DOK5: variants seen among roughly 807,000 people sequenced by gnomAD.
DOK5 encodes the protein docking protein 5.
In DOK5, 27 loss-of-function variants were observed where a neutral mutation model predicts 43.3. That is an observed-to-expected ratio of 0.62 (90% confidence interval 0.46 to 0.86). The LOEUF is 0.86. Among genes scored for constraint, DOK5 ranks in the 40% least tolerant of loss-of-function variants. The probability of loss-of-function intolerance (pLI) is 0.00; values close to 1 mark genes in which losing one functional copy is unlikely to be tolerated. For synonymous variants in DOK5, 146 were observed against 140.1 expected (o/e 1.04, Z -0.30); for missense variants, 373 against 392.9 (o/e 0.95, Z 0.43).
chr20:54,579,199 A>G (rs887062068), intron 2 of DOK5, among the ~76,000 whole-genome samples: 4 of 152,234 alleles, frequency 2.6e-5, no homozygotes, highest in African/African-American at 9.6e-5. Flanking sequence ...AAATAAATTT[A>G]CAATAAGAGA....
At chr20:54,576,906 G>A (rs527825465) in intron 2 of DOK5, among the ~76,000 whole-genome samples, 37 of 152,276 alleles carry the variant, frequency 2.4e-4, no homozygotes, top group African/African-American at 8.9e-4. Context: ...TTTCCAAGTG[G>A]TGTACTTTTA....
intron 1 of DOK5, among the ~76,000 whole-genome samples, chr20:54,478,993 G>A (rs1381158243): frequency 6.6e-6 from 1 of 152,016 alleles, no homozygotes; most frequent in Non-Finnish European, 1.5e-5. Context: ...ATATGTGTAT[G>A]TGTGTGTATT....
intron 6 of DOK5, among the ~76,000 whole-genome samples, chr20:54,632,562 G>A (rs2904387): frequency 0.28 from 43,028 of 152,106 alleles, 8,014 homozygotes; most frequent in African/African-American, 0.53. Flanking sequence ...ACCAGATATT[G>A]AGGACTAAGG....
chr20:54,501,654 C>T (rs191220770), intron 1 of DOK5, among the ~76,000 whole-genome samples: 13 of 152,056 alleles, frequency 8.5e-5, no homozygotes, highest in East Asian at 1.9e-4. Context: ...GTGTATATTT[C>T]GACCCTTAGC....
chr20:54,568,536 G>A (rs1010898615), intron 2 of DOK5, among the ~76,000 whole-genome samples: 6 of 152,148 alleles, frequency 3.9e-5, no homozygotes, highest in African/African-American at 1.4e-4. Flanking sequence ...ACAAAAGATG[G>A]AAATCTACTA....
chr20:54,645,745 C>A (rs544540115), intron 7 of DOK5, among the ~76,000 whole-genome samples: 1 of 152,056 alleles, frequency 6.6e-6, no homozygotes, highest in Non-Finnish European at 1.5e-5. Context: ...TACAGGAGGG[C>A]AGGAGAGCTG....
In DOK5 at chr20:54,572,383, C is replaced by T. The variant is rs765560090; in HGVS notation, c.175-16100C>T. ...TTCACCATGTTAGCCAGGATGGTCTCGATCTCCTGACCTCGTGATCAGCCC... is the reference window on the plus strand; with the variant it reads ...TTCACCATGTTAGCCAGGATGGTCTTGATCTCCTGACCTCGTGATCAGCCC... On this transcript the variant is annotated intron_variant, in intron 2 of 7. Coordinates refer to ENST00000262593, the MANE Select transcript of DOK5 (RefSeq NM_018431.5). 2.0e-5 allele frequency among the ~76,000 whole-genome samples: 3 copies of T among 152,104 alleles called. No individual in the cohort carries two copies. The East Asian group carries it at 5.8e-4, about 30-fold the overall frequency.
chr20:54,610,311 G>A lies in DOK5; in HGVS notation c.600-77G>A, dbSNP rs185107789. On this transcript the variant is annotated intron_variant, in intron 5 of 7. Transcript: ENST00000262593. ...AAATAATAAATGGGCGCAGCCTAAT[G>A]GAGTATGCCAGGATCTTGGTGCATT... 68 of 1,361,652 alleles carry A rather than the reference G, an allele frequency of 5.0e-5. No individual in the cohort carries two copies. In the South Asian group the frequency reaches 9.3e-4, roughly 19 times the overall value. 84.3% of individuals were successfully genotyped at this position (1,361,652 alleles called of 1,614,324 possible). A position where few individuals can be genotyped will look rare whatever the true frequency, so the allele number is the denominator to read the frequency against.
At chr20:54,555,146 T>A (rs1984667056) in intron 2 of DOK5, 106 bp downstream of exon 2, 1 of 736,268 alleles carries the variant, frequency 1.4e-6, no homozygotes, top group Non-Finnish European at 2.4e-6. Flanking sequence ...ACAAGCAATA[T>A]CTTTTCCAAG....
rs185134110 is a variant in DOK5 at position 54,542,659 on chromosome 20, A to G, written c.67-12274A>G. Among the ~76,000 whole-genome samples the G allele has an allele frequency of 7.2e-5, 11 of 152,348 alleles. No individual in the cohort carries two copies. The East Asian group carries it at 2.1e-3, about 29-fold the overall frequency. ...TAATATATTCATTTTTATTATACGA[A>G]AAACACATACTACAGGACATATATT... On this transcript the variant is annotated intron_variant, in intron 1 of 7. Transcript: ENST00000262593.
chr20:54,541,579 G>T (rs567734006), intron 1 of DOK5, among the ~76,000 whole-genome samples: 80 of 152,222 alleles, frequency 5.3e-4, no homozygotes, highest in African/African-American at 1.9e-3. Flanking sequence ...GGGATTACAG[G>T]CTTGCACCAC....
At chr20:54,508,476 A>G (rs73142935) in intron 1 of DOK5, among the ~76,000 whole-genome samples, 10,234 of 150,572 alleles carry the variant, frequency 0.068, 352 homozygotes, top group Non-Finnish European at 0.079. Context: ...GGAGGGTGGA[A>G]ATAAGGAAGT....
chr20:54,485,200 A>G (rs1005084704), intron 1 of DOK5, among the ~76,000 whole-genome samples: 3 of 152,014 alleles, frequency 2.0e-5, no homozygotes, highest in Non-Finnish European at 4.4e-5. Context: ...CATGGTGGAG[A>G]GCTACTCAGG....
chr20:54,648,610 A>G (rs1979554084), intron 7 of DOK5, among the ~76,000 whole-genome samples: 1 of 152,168 alleles, frequency 6.6e-6, no homozygotes, highest in Non-Finnish European at 1.5e-5. Context: ...GGGCATTCAA[A>G]GATCAGGAAG....
At chr20:54,587,685 G>A (rs1985850239) in intron 2 of DOK5, among the ~76,000 whole-genome samples, 1 of 152,082 alleles carries the variant, frequency 6.6e-6, no homozygotes, top group South Asian at 2.1e-4. Context: ...GACACTTTGT[G>A]GGAAGGGAGG....
At chr20:54,592,571 G>C (rs1383499154) in intron 5 of DOK5, among the ~76,000 whole-genome samples, 1 of 147,168 alleles carries the variant, frequency 6.8e-6, no homozygotes, top group African/African-American at 2.5e-5. Context: ...ATGGAGTCTC[G>C]CTCTGTCACC....
At chr20:54,637,197 C>A (rs540858046) in intron 6 of DOK5, among the ~76,000 whole-genome samples, 1 of 152,362 alleles carries the variant, frequency 6.6e-6, no homozygotes, top group African/African-American at 2.4e-5. Context: ...CTCTCCCCAG[C>A]AGCATGATGC....
intron 6 of DOK5, among the ~76,000 whole-genome samples, chr20:54,621,877 C>G (rs1330181741): frequency 6.6e-6 from 1 of 151,896 alleles, no homozygotes; most frequent in Non-Finnish European, 1.5e-5. Context: ...GCTGTACTTA[C>G]TCATGAATTC....
At chr20:54,545,695 A>G (rs184845440) in intron 1 of DOK5, among the ~76,000 whole-genome samples, 20 of 152,350 alleles carry the variant, frequency 1.3e-4, no homozygotes, top group Non-Finnish European at 2.4e-4. Flanking sequence ...AGGAGAGATA[A>G]TATGGAGTTC....
Sources: gnomAD v4.1 joint callset for allele counts (sites outside exome capture counted in the v4.1 genomes callset) on GRCh38, gnomAD v4.1.1 for gene constraint, MANE v1.5 for transcripts, NCBI Gene and HGNC (gene_info 2026-07-23, HGNC 2026-07-21) for gene names.